The following ZNF276 variants were observed in gnomAD, a reference collection of about 807,000 sequenced individuals.
ZNF276 encodes the protein zinc finger protein 276, also known as centromere protein Z.
ZNF276 carries 59 observed loss-of-function variants against 63.9 expected under a neutral mutation model. The observed-to-expected ratio is 0.92, with a 90% CI of 0.75 to 1.15. The LOEUF (loss-of-function observed/expected upper bound fraction) is 1.15. ZNF276 is among the 50% of genes most tolerant of loss of function. The pLI, the probability that ZNF276 is intolerant of heterozygous loss-of-function variation, is 0.00. For missense variants in ZNF276, 1,084 were observed against 843.8 expected (o/e 1.28, Z -3.53); for synonymous variants, 496 against 348.4 (o/e 1.42, Z -4.72).
chr16:89,723,411 G>T lies in ZNF276; in HGVS notation c.708G>T (p.Gln236His). 2.0e-5 allele frequency: 32 copies of T among 1,612,966 alleles called. No homozygotes were observed. Among genetic ancestry groups the T allele is most frequent in the Non-Finnish European group, 2.7e-5 (32 of 1,180,006 alleles). ...TCCAGGTCGTGTGGGGCTGCGACCA[G>T]GGCCACGACTACACCATGGATACCA... Reference protein sequence around the residue: ...GVIQVVWGCDQGHDYTMDTSS... With the variant: ...GVIQVVWGCDHGHDYTMDTSS... The change falls in exon 4 of 11, where the codon CAG becomes CAT. Residue 236 changes from glutamine (Q) to histidine (H), a missense_variant. Transcript: ENST00000443381.
Position 89,729,335 on chromosome 16 carries a change from G to C in ZNF276, c.1169+17G>C, listed in dbSNP as rs780881094. On this transcript the variant is annotated intron_variant, in intron 6 of 10. Transcript: ENST00000443381. ...AGAAAGGAAGTAAGTGGGCAGCCCGGGGTCTGCTGGAGGCATCCGTTGGGC... is the reference window on the plus strand; with the variant it reads ...AGAAAGGAAGTAAGTGGGCAGCCCGCGGTCTGCTGGAGGCATCCGTTGGGC... The C allele has an allele frequency of 6.2e-7, 1 of 1,613,096 alleles. No individual in the cohort carries two copies. The highest frequency in any genetic ancestry group is 8.5e-7 in the Non-Finnish European group (1 of 1,179,202).
In ZNF276 at chr16:89,733,971, C is replaced by T; in HGVS notation, c.1407C>T (p.His469=). The change falls in exon 9 of 11, where the codon CAC becomes CAT. Residue 469 remains histidine, a synonymous_variant. Transcript: ENST00000443381. The part of the protein sequence containing the change: ...HEEVRERPCP[H]PGCNKVFMID... ...AGGTCCGGGAGCGGCCCTGCCCCCA[C>T]CCTGGCTGCAACAAGGTTTTCATGA... 2 of 1,614,078 alleles carry T rather than the reference C, an allele frequency of 1.2e-6. No individual in the cohort carries two copies. The highest frequency in any genetic ancestry group is 1.1e-5 in the South Asian group (1 of 91,086).
chr16:89,727,968 G>A (rs555690864), intron 5 of ZNF276, among the ~76,000 whole-genome samples: 47 of 152,338 alleles, frequency 3.1e-4, no homozygotes, highest in African/African-American at 9.9e-4. Flanking sequence ...CGCCATTCAG[G>A]GCAGCTGTGC....
At chr16:89,732,797 G>A (rs1179136801) in intron 6 of ZNF276, 4 of 217,196 alleles carry the variant, frequency 1.8e-5, no homozygotes, top group South Asian at 1.4e-4. Flanking sequence ...TGTACCCTGC[G>A]CCCTCACCCT....
chr16:89,738,473 G>C lies in ZNF276; in HGVS notation c.*227G>C. 4 of 1,466,878 alleles carry C rather than the reference G, an allele frequency of 2.7e-6. No individual in the cohort carries two copies. The highest frequency in any genetic ancestry group is 2.4e-5 in the East Asian group (1 of 42,316). The allele number at this position is 1,466,878 out of a possible 1,614,324, so 90.9% of individuals were successfully genotyped here. On this transcript the variant is annotated 3_prime_UTR_variant, in exon 11 of 11. Coordinates refer to ENST00000443381, the MANE Select transcript of ZNF276 (RefSeq NM_001113525.2). ...GGGGCCGGACAGTTCATAAATAATT[G>C]ATTCCTTTCCCCACTAAAGCAGTCG...
intron 5 of ZNF276, among the ~76,000 whole-genome samples, chr16:89,727,842 C>T (rs1021323718): frequency 6.6e-6 from 1 of 152,354 alleles, no homozygotes; most frequent in East Asian, 1.9e-4. Context: ...TTGACTATGA[C>T]ACTGTTGTGG....
chr16:89,720,672 G>C, upstream of ZNF276: 1 of 1,264,620 alleles, frequency 7.9e-7, no homozygotes. Context: ...CAAGTCTCCA[G>C]CCCGAGCCGG....
intron 2 of ZNF276, 70 bp from the exon 3 acceptor site, chr16:89,723,067 G>A: frequency 6.2e-7 from 1 of 1,611,740 alleles, no homozygotes; most frequent in Non-Finnish European, 8.5e-7. Context: ...ATCTCGAGAG[G>A]GTCCCGTACG....
chr16:89,735,098 A>T (rs917418413), intron 9 of ZNF276, among the ~76,000 whole-genome samples: 6 of 151,814 alleles, frequency 4.0e-5, no homozygotes, highest in African/African-American at 1.5e-4. Flanking sequence ...ACACCACTGC[A>T]CTCCAGCCTG....
chr16:89,738,345 G>T lies in ZNF276; in HGVS notation c.*99G>T. The T allele has an allele frequency of 6.7e-7, 1 of 1,486,304 alleles. No individual in the cohort carries two copies. The allele number at this position is 1,486,304 out of a possible 1,614,324, so 92.1% of individuals were successfully genotyped here. A position where few individuals can be genotyped will look rare whatever the true frequency, so the allele number is the denominator to read the frequency against. ...CACCCGCATGGGAGGGTCGGAGGGT[G>T]CTGCCCGCCCTTGGTGCTGGAGGCG... On this transcript the variant is annotated 3_prime_UTR_variant, in exon 11 of 11. Transcript: ENST00000443381.
rs1415869479 is a variant in ZNF276 at position 89,739,318 on chromosome 16, C to G, written c.*1072C>G. ...GAGGTAAAGACATAGTGACAAATGG[C>G]TACAGACTGCTGGAAAGGTAGCAGG... On this transcript the variant is annotated 3_prime_UTR_variant, in exon 11 of 11. Coordinates refer to ENST00000443381, the MANE Select transcript of ZNF276 (RefSeq NM_001113525.2). 1 of 1,613,730 alleles carries G rather than the reference C, an allele frequency of 6.2e-7. No individual in the cohort carries two copies. Among genetic ancestry groups the G allele is most frequent in the African/African-American group, 1.3e-5 (1 of 74,938 alleles).
intron 6 of ZNF276, among the ~76,000 whole-genome samples, chr16:89,729,986 C>T (rs2061592962): frequency 6.6e-6 from 1 of 152,176 alleles, no homozygotes; most frequent in African/African-American, 2.4e-5. Context: ...TGACCCAGTC[C>T]CTGTCCTTGA....
rs1385726243 is a variant in ZNF276 at position 89,722,611 on chromosome 16, G to C, written c.286G>C (p.Glu96Gln). Residue 96 changes from glutamate to glutamine, a missense_variant, in exon 2 of 11, where the codon GAG (glutamate) becomes CAG (glutamine). Glu to Gln is a conservative substitution (Grantham distance 29, BLOSUM62 2). Transcript: ENST00000443381. ...CTCGAGAAGCCTGCGCAGCATCTCC[G>C]AGAGGGCGCCTGGAGCGAGCATGGA... The part of the protein sequence containing the change: ...FSSRSLRSIS[E>Q]RAPGASMERP... 5 of 1,612,088 alleles carry C rather than the reference G, an allele frequency of 3.1e-6. 1 individual carries two copies. The highest frequency in any genetic ancestry group is 2.2e-5 in the South Asian group (2 of 91,088).
chr16:89,735,354 G>A (rs1293859628), intron 9 of ZNF276, among the ~76,000 whole-genome samples: 1 of 151,994 alleles, frequency 6.6e-6, no homozygotes, highest in Non-Finnish European at 1.5e-5. Flanking sequence ...AGTTTTCCTT[G>A]GTTTTGAACT....
At chr16:89,722,417 C>T (rs2061324390) in intron 1 of ZNF276, 114 bp from the exon 2 acceptor site, 1 of 1,271,774 alleles carries the variant, frequency 7.9e-7, no homozygotes, top group Admixed American at 2.5e-5. Context: ...CTTGCTGTGT[C>T]CGGGAGCCGC....
At chr16:89,721,946 C>A (rs1251984519) in intron 1 of ZNF276, 101 bp downstream of exon 1, 11 of 836,916 alleles carry the variant, frequency 1.3e-5, no homozygotes, top group African/African-American at 1.8e-5. Flanking sequence ...CTCTCCTCCA[C>A]CCGGCCAAGG....
chr16:89,738,875 A>G lies in ZNF276; in HGVS notation c.*629A>G. 1 of 1,614,238 alleles carries G rather than the reference A, an allele frequency of 6.2e-7. No homozygotes were observed. On this transcript the variant is annotated 3_prime_UTR_variant, in exon 11 of 11. Coordinates refer to ENST00000443381, the MANE Select transcript of ZNF276 (RefSeq NM_001113525.2). ...CACATGGCCCAAGGTGGGCATCTTG[A>G]CGTTACCTCTGCCACGTGTGAGAAG...
intron 4 of ZNF276, among the ~76,000 whole-genome samples, chr16:89,726,993 A>G (rs1660653212): frequency 6.6e-6 from 1 of 152,148 alleles, no homozygotes; most frequent in South Asian, 2.1e-4. Flanking sequence ...AGGCTGTCCT[A>G]GAAGGACTGG....
rs1172621762 is a variant in ZNF276, at chr16:89,732,941, G to A, written c.1170-361G>A. 3.4e-5 allele frequency: 11 copies of A among 322,772 alleles called. 3 individuals are homozygous for A. Among genetic ancestry groups the A allele is most frequent in the South Asian group, 2.0e-4 (8 of 40,110 alleles). 20.0% of individuals were successfully genotyped at this position (322,772 alleles called of 1,614,324 possible). The stretch of plus-strand genomic sequence containing the variant: ...TCACCCCGACCCTGCTGTACCCTGC[G>A]CCCTCATCCTCTGCTGTGCCCTCCC... On this transcript the variant is annotated intron_variant, in intron 6 of 10. Transcript: ENST00000443381.
Sources: gnomAD v4.1 joint callset for allele counts (sites outside exome capture counted in the v4.1 genomes callset) on GRCh38, gnomAD v4.1.1 for gene constraint, MANE v1.5 for transcripts, NCBI Gene and HGNC (gene_info 2026-07-23, HGNC 2026-07-21) for gene names.